Variants in PTPRS observed in about 807,000 individuals in gnomAD.
PTPRS encodes protein tyrosine phosphatase receptor type S.
A neutral mutation model predicts 215.3 loss-of-function variants in PTPRS; 63 were observed. That is an observed-to-expected ratio of 0.29 (90% CI 0.24 to 0.36). The LOEUF (loss-of-function observed/expected upper bound fraction) is 0.36, where lower values mean the gene tolerates loss of function less well. Ranked by LOEUF, PTPRS falls within the 10% of genes least tolerant of loss-of-function variation. PTPRS has a pLI of 1.00. For synonymous variants in PTPRS, 1,404 were observed against 1,191.4 expected, an observed-to-expected ratio of 1.18 and a Z score of -3.68; for missense variants, 2,258 against 2,825.8, an observed-to-expected ratio of 0.80 and a Z score of 4.56.
intron 1 of PTPRS, among the ~76,000 whole-genome samples, chr19:5,303,327 G>A (rs963373486): frequency 6.6e-6 from 1 of 152,130 alleles, no homozygotes; most frequent in Non-Finnish European, 1.5e-5. Context: ...GGCAGGGCTT[G>A]GTGTAGCTCC....
chr19:5,337,876 A>C (rs2147330731), intron 1 of PTPRS, among the ~76,000 whole-genome samples: 1 of 152,274 alleles, frequency 6.6e-6, no homozygotes, highest in Non-Finnish European at 1.5e-5. Context: ...AAAAAGGCGC[A>C]CTGAACGCTC....
At chr19:5,269,614 C>A (rs1203382857) in intron 4 of PTPRS, among the ~76,000 whole-genome samples, 1 of 151,832 alleles carries the variant, frequency 6.6e-6, no homozygotes, top group Non-Finnish European at 1.5e-5. Context: ...TCCAGGCAGC[C>A]GGAGAGGAGA....
At position 5,222,857 on chromosome 19, in the gene PTPRS, G is replaced by C. The variant is rs1028304582; in HGVS notation, c.2935C>G (p.Arg979Gly). The change falls in exon 18 of 38, where the codon CGA (arginine) becomes GGA (glycine). Residue 979 changes from arginine (R) to glycine (G), a missense_variant. Transcript: ENST00000262963. The part of the protein sequence containing the change: ...VREAGALGPA[R>G]ETELPAAAEP... ...GCCGCTGCCGGCAGCTCAGTCTCTCGGGCAGGGCCCAGGGCACCGGCCTCC... is the reference window on the plus strand; with the variant it reads ...GCCGCTGCCGGCAGCTCAGTCTCTCCGGCAGGGCCCAGGGCACCGGCCTCC... 92 of 1,590,918 alleles carry C rather than the reference G, an allele frequency of 5.8e-5. No individual in the cohort carries two copies. Among genetic ancestry groups the C allele is most frequent in the Non-Finnish European group, 7.6e-5 (89 of 1,175,054 alleles).
At chr19:5,233,126 A>AC (rs1451624968) in intron 13 of PTPRS, among the ~76,000 whole-genome samples, 2 of 151,292 alleles carry the variant, frequency 1.3e-5, no homozygotes, top group Non-Finnish European at 2.9e-5. Flanking sequence ...ATTATCAGGC[A>AC]CCTACTACGT....
In PTPRS at chr19:5,205,803, G is replaced by T. The variant is rs1486282525; in HGVS notation, c.*971C>A. Among the ~76,000 whole-genome samples, 6 of 152,030 alleles carry T rather than the reference G, an allele frequency of 3.9e-5. No individual in the cohort carries two copies. The highest frequency in any genetic ancestry group is 1.4e-4 in the African/African-American group (6 of 41,396). On this transcript the variant is annotated 3_prime_UTR_variant, in exon 38 of 38. Coordinates refer to ENST00000262963, the MANE Select transcript of PTPRS (RefSeq NM_002850.4). ...ATCCTCTCTGTCTCCTTGGGGGCGGGAGACGGGGAGACAGCTCAGGCTCTC... is the reference window on the plus strand; with the variant it reads ...ATCCTCTCTGTCTCCTTGGGGGCGGTAGACGGGGAGACAGCTCAGGCTCTC...
At chr19:5,224,005 CCT>C (rs903211806) in intron 17 of PTPRS, among the ~76,000 whole-genome samples, 2 of 151,748 alleles carry the variant, frequency 1.3e-5, no homozygotes, top group African/African-American at 2.4e-5. Flanking sequence ...ATGGTGAAAC[CCT>C]GTCTCTACTA....
intron 1 of PTPRS, among the ~76,000 whole-genome samples, chr19:5,325,074 C>T (rs186176639): frequency 5.6e-4 from 86 of 152,284 alleles, no homozygotes; most frequent in African/African-American, 2.0e-3. Context: ...ATTTTCCCCT[C>T]CCCGACAATC....
chr19:5,309,157 G>T (rs77813140), intron 1 of PTPRS, among the ~76,000 whole-genome samples: 24 of 151,986 alleles, frequency 1.6e-4, no homozygotes, highest in Admixed American at 5.2e-4. Flanking sequence ...AGGGAGGAAG[G>T]GGGGGTTGGC....
intron 6 of PTPRS, 112 bp downstream of exon 6, chr19:5,262,852 G>T: frequency 8.4e-7 from 1 of 1,187,848 alleles, no homozygotes; most frequent in Non-Finnish European, 1.2e-6. Context: ...CAGGCAGAGT[G>T]GGTCACAGTT....
At chr19:5,240,133 CG>C in intron 12 of PTPRS, 65 bp downstream of exon 12, 1 of 1,421,872 alleles carries the variant, frequency 7.0e-7, no homozygotes, top group Non-Finnish European at 9.2e-7. Context: ...AGAGACAAGG[CG>C]GGCAGCGTCA....
rs3042434 is a variant in PTPRS, at chr19:5,287,964, G to GCACACACACACACACACA, written c.-94-1748_-94-1731dup. The stretch of plus-strand genomic sequence containing the variant: ...TCACACAGTCAGGCAGCAGAGACGG[G>GCACACACACACACACACA]CACACACACACACACACACACACAC... On this transcript the variant is annotated intron_variant, in intron 1 of 37. Coordinates refer to ENST00000262963, the MANE Select transcript of PTPRS (RefSeq NM_002850.4). This position sits in a 1 kb window ranked among gnomAD's most constrained non-coding sequence, Gnocchi z 4.8. 4.5e-5 allele frequency among the ~76,000 whole-genome samples: 6 copies of GCACACACACACACACACA among 133,360 alleles called. No individual in the cohort carries two copies. The highest frequency in any genetic ancestry group is 1.6e-5 in the Non-Finnish European group (1 of 62,470). 87.5% of individuals were successfully genotyped at this position (133,360 alleles called of 152,430 possible).
intron 6 of PTPRS, among the ~76,000 whole-genome samples, chr19:5,261,909 G>C (rs1420872140): frequency 1.3e-5 from 2 of 152,216 alleles, no homozygotes; most frequent in South Asian, 2.1e-4. Flanking sequence ...ACTGGAATCC[G>C]AGTCAGCGGA....
At chr19:5,239,903 G>A (rs919182667) in intron 12 of PTPRS, among the ~76,000 whole-genome samples, 2 of 152,086 alleles carry the variant, frequency 1.3e-5, no homozygotes, top group African/African-American at 2.4e-5. Context: ...CAGAGGCACC[G>A]GTGAAGACAA....
intron 2 of PTPRS, among the ~76,000 whole-genome samples, chr19:5,284,481 C>T (rs982339997): frequency 5.3e-5 from 8 of 152,098 alleles, no homozygotes; most frequent in Non-Finnish European, 7.4e-5. Context: ...GAGGCCAAGG[C>T]GCTTCAGCCC....
chr19:5,222,294 A>G, intron 18 of PTPRS, 74 bp from the exon 19 acceptor site: 2 of 1,315,720 alleles, frequency 1.5e-6, no homozygotes, highest in Non-Finnish European at 2.2e-6. Context: ...GGTGGCGTGA[A>G]GCGGGGTGGG....
chr19:5,227,752 G>A (rs1179320425), intron 16 of PTPRS, among the ~76,000 whole-genome samples: 1 of 152,130 alleles, frequency 6.6e-6, no homozygotes, highest in African/African-American at 2.4e-5. Flanking sequence ...CACTGAGTAT[G>A]ACTGTTAGGG....
rs116099658 is a variant in PTPRS at position 5,214,435 on chromosome 19, C to G, written c.4540G>C (p.Gly1514Arg). ...YWPNRGTETYGFIQVTLLDTI... is the reference protein window; with the variant it reads ...YWPNRGTETYRFIQVTLLDTI... ...TCTAGCAACGTGACCTGGATGAAGC[C>G]GTAGGTCTCCGTGCCTCTGTTGGGC... The change falls in exon 30 of 38, where the codon GGC becomes CGC. Residue 1514 changes from glycine (G) to arginine (R), a missense_variant. Gly to Arg is a moderately radical substitution (Grantham distance 125, BLOSUM62 -2). Around this residue, in one of 6 missense-constraint regions of PTPRS, gnomAD observed 927 missense variants for 1,125.9 expected, o/e 0.82. Transcript: ENST00000262963. 1 of 1,614,166 alleles carries G rather than the reference C, an allele frequency of 6.2e-7. No individual in the cohort carries two copies. Among genetic ancestry groups the G allele is most frequent in the Admixed American group, 1.7e-5 (1 of 60,016 alleles).
At chr19:5,282,889 T>C (rs373884311) in intron 2 of PTPRS, among the ~76,000 whole-genome samples, 17 of 152,000 alleles carry the variant, frequency 1.1e-4, no homozygotes, top group African/African-American at 3.6e-4. Flanking sequence ...CTGGCTCCAG[T>C]GCCTTGAAAA....
intron 1 of PTPRS, among the ~76,000 whole-genome samples, chr19:5,311,446 G>A (rs777876137): frequency 5.8e-4 from 88 of 152,174 alleles, no homozygotes; most frequent in Non-Finnish European, 9.8e-4. Flanking sequence ...TAAGTATCCA[G>A]TGATGGAGCT....
Sources: gnomAD v4.1 joint callset for allele counts (sites outside exome capture counted in the v4.1 genomes callset) on GRCh38, gnomAD v4.1.1 for gene constraint, gnomAD v4.1.1 regional missense constraint, Gnocchi (gnomAD v3.1) non-coding constraint, MANE v1.5 for transcripts, NCBI Gene and HGNC (gene_info 2026-07-23, HGNC 2026-07-21) for gene names.